ADAM9: variants seen among roughly 807,000 people sequenced by gnomAD.
The protein encoded by ADAM9 is ADAM metallopeptidase domain 9, also known as disintegrin and metalloproteinase domain-containing protein 9.
In ADAM9, 54 loss-of-function variants were observed where a neutral mutation model predicts 108.1. That is an observed-to-expected ratio of 0.50 (90% CI 0.40 to 0.63). The LOEUF is 0.63. Among genes scored for constraint, ADAM9 ranks in the 20% least tolerant of loss-of-function variants. The probability of loss-of-function intolerance (pLI) is 0.00; values close to 1 mark genes in which losing one functional copy is unlikely to be tolerated. For synonymous variants in ADAM9, 316 were observed against 336.0 expected, an observed-to-expected ratio of 0.94 and a Z score of 0.65; for missense variants, 830 against 997.7, an observed-to-expected ratio of 0.83 and a Z score of 2.26.
chr8:39,095,685 G>T (rs571332860), intron 20 of ADAM9, among the ~76,000 whole-genome samples: 7 of 152,232 alleles, frequency 4.6e-5, no homozygotes, highest in Admixed American at 2.0e-4. Flanking sequence ...CTGATTTGTT[G>T]TCTGGATGAC....
chr8:38,999,217 C>A lies in ADAM9; in HGVS notation c.97+2057C>A, dbSNP rs145609761. 5.6e-4 allele frequency among the ~76,000 whole-genome samples: 85 copies of A among 152,082 alleles called. 1 individual carries two copies. The highest frequency in any genetic ancestry group is 2.0e-3 in the African/African-American group (82 of 41,474). On this transcript the variant is annotated intron_variant, in intron 1 of 21. Coordinates refer to ENST00000487273, the MANE Select transcript of ADAM9 (RefSeq NM_003816.3). ...AGAGGAATTTGAGGTACCAGGCACA[C>A]GTCAGTTACATTAGGAGTTAATTAG...
At chr8:39,021,771 A>T in intron 8 of ADAM9, 57 bp downstream of exon 8, 2 of 1,475,220 alleles carry the variant, frequency 1.4e-6, no homozygotes. Context: ...CAGTCCCAGA[A>T]CAGAACTTAA....
At position 39,008,643 on chromosome 8, in the gene ADAM9, A is replaced by G. The variant is rs540122404; in HGVS notation, c.195+660A>G. On this transcript the variant is annotated intron_variant, in intron 2 of 21. Coordinates refer to ENST00000487273, the MANE Select transcript of ADAM9 (RefSeq NM_003816.3). ...AAGAATTATAATTCTTACTATAATT[A>G]TATAACCTCACTCAGTTTGTGATAG... Among the ~76,000 whole-genome samples, 22 of 152,324 alleles carry G rather than the reference A, an allele frequency of 1.4e-4. No homozygotes were observed. The East Asian group carries it at 4.2e-3, about 29-fold the overall frequency.
At chr8:39,068,322 C>T (rs568206549) in intron 14 of ADAM9, among the ~76,000 whole-genome samples, 68 of 152,038 alleles carry the variant, frequency 4.5e-4, no homozygotes, top group African/African-American at 1.6e-3. Flanking sequence ...TTTTTTTCCT[C>T]TTGGGCTTGT....
At chr8:39,056,769 T>G (rs905975353) in intron 14 of ADAM9, among the ~76,000 whole-genome samples, 1 of 152,200 alleles carries the variant, frequency 6.6e-6, no homozygotes, top group Non-Finnish European at 1.5e-5. Flanking sequence ...TTGAGTTGAT[T>G]AGTGGCATCA....
chr8:39,014,756 T>C (rs1037065208), intron 4 of ADAM9: 5 of 501,652 alleles, frequency 1.0e-5, no homozygotes, highest in Admixed American at 3.7e-5. Flanking sequence ...TGTAATACTT[T>C]GCTATGTTGA....
chr8:39,090,828 C>T (rs1007964179), intron 19 of ADAM9, among the ~76,000 whole-genome samples: 2 of 152,202 alleles, frequency 1.3e-5, no homozygotes, highest in African/African-American at 2.4e-5. Flanking sequence ...ATCTCCACTG[C>T]ACTGATTTGC....
At chr8:39,067,970 G>C (rs983703427) in intron 14 of ADAM9, among the ~76,000 whole-genome samples, 1 of 152,140 alleles carries the variant, frequency 6.6e-6, no homozygotes, top group Admixed American at 6.5e-5. Context: ...GTTGAATTTT[G>C]TCAAAGGCCT....
chr8:39,091,916 G>C (rs1839368790), intron 20 of ADAM9, among the ~76,000 whole-genome samples: 1 of 152,144 alleles, frequency 6.6e-6, no homozygotes, highest in Non-Finnish European at 1.5e-5. Flanking sequence ...TGCTATCACT[G>C]CTTTTTTCTG....
chr8:39,045,529 CAT>C (rs1160193114), intron 12 of ADAM9, among the ~76,000 whole-genome samples: 3 of 114,966 alleles, frequency 2.6e-5, no homozygotes, highest in East Asian at 2.5e-4. Flanking sequence ...TATATATGTG[CAT>C]ATGTGTGTAT....
At position 39,009,911 on chromosome 8, in the gene ADAM9, G is replaced by A. The variant is rs60575122; in HGVS notation, c.196-1747G>A. Among the ~76,000 whole-genome samples the A allele has an allele frequency of 5.2e-4, 44 of 84,758 alleles. No homozygotes were observed. The South Asian group carries it at 8.1e-3, about 16-fold the overall frequency. The allele number at this position is 84,758 out of a possible 152,430, so 55.6% of individuals were successfully genotyped here. A position where few individuals can be genotyped will look rare whatever the true frequency, so the allele number is the denominator to read the frequency against. On this transcript the variant is annotated intron_variant, in intron 2 of 21. Coordinates refer to ENST00000487273, the MANE Select transcript of ADAM9 (RefSeq NM_003816.3). ...TTCTAGTGATGGGGGGGGGGGGCAG[G>A]GAGAGAGAGAGAGAGAGAGAGACAA...
At chr8:39,023,927 GC>G (rs2129434111) in intron 9 of ADAM9, among the ~76,000 whole-genome samples, 1 of 151,922 alleles carries the variant, frequency 6.6e-6, no homozygotes, top group African/African-American at 2.4e-5. Flanking sequence ...TTGTAGTGTA[GC>G]AGAGATGGGG....
chr8:39,048,623 C>T lies in ADAM9; in HGVS notation c.1303-5858C>T, dbSNP rs149291858. Among the ~76,000 whole-genome samples, 453 of 152,184 alleles carry T rather than the reference C, an allele frequency of 3.0e-3. 5 individuals carry two copies. The highest frequency in any genetic ancestry group is 9.8e-3 in the East Asian group (51 of 5,182). On this transcript the variant is annotated intron_variant, in intron 12 of 21. Transcript: ENST00000487273. ...TAGTGTTGTTCAAGTCCTGTGTTTC[C>T]GTATTGATCTTCTATCTAGATGTTT...
chr8:39,061,947 T>G (rs1169493598), intron 14 of ADAM9, among the ~76,000 whole-genome samples: 1 of 151,798 alleles, frequency 6.6e-6, no homozygotes, highest in Non-Finnish European at 1.5e-5. Flanking sequence ...CACTTATTTC[T>G]CAGAGTTCTG....
intron 13 of ADAM9, among the ~76,000 whole-genome samples, chr8:39,054,871 A>G (rs1034886959): frequency 5.3e-5 from 8 of 152,290 alleles, no homozygotes; most frequent in African/African-American, 1.9e-4. Flanking sequence ...AAGATCCTCT[A>G]TTATTTTATA....
intron 14 of ADAM9, among the ~76,000 whole-genome samples, chr8:39,056,546 A>G (rs527548401): frequency 6.6e-6 from 1 of 152,144 alleles, no homozygotes; most frequent in Admixed American, 6.6e-5. Flanking sequence ...CATCCTCCCA[A>G]TAGTTAGGGC....
chr8:39,018,878 C>T lies in ADAM9; in HGVS notation c.632C>T (p.Thr211Ile). ...AGAAGAAGAGCTGTCTTGCCACAGA[C>T]CCGGTATGTGGAGCTGTTCATTGTC... ...LRRRRAVLPQ[T>I]RYVELFIVVD... The change falls in exon 7 of 22, where the codon ACC becomes ATC. Residue 211 changes from threonine to isoleucine, a missense_variant. Thr to Ile is a moderately conservative substitution (Grantham distance 89, BLOSUM62 -1). This residue lies in a region of ADAM9 where 381 missense variants were observed against 539.8 expected (regional missense o/e 0.71). Coordinates refer to ENST00000487273, the MANE Select transcript of ADAM9 (RefSeq NM_003816.3). The T allele has an allele frequency of 1.9e-6, 3 of 1,613,926 alleles. No individual in the cohort carries two copies. The highest frequency in any genetic ancestry group is 2.5e-6 in the Non-Finnish European group (3 of 1,179,936).
rs1837738450 is a variant in ADAM9 at position 39,045,568 on chromosome 8, GTGTATATATA to G, written c.1302+3453_1302+3462del. Reference sequence around the variant, plus strand: ...TATGTGTGTGTGTATATGTGTGTGTGTGTATATATATATATATATAAAAGATTTTTCTCAT... The same window carrying G: ...TATGTGTGTGTGTATATGTGTGTGTGTATATATATAAAAGATTTTTCTCAT... On this transcript the variant is annotated intron_variant, in intron 12 of 21. Coordinates refer to ENST00000487273, the MANE Select transcript of ADAM9 (RefSeq NM_003816.3). 2.9e-5 allele frequency among the ~76,000 whole-genome samples: 4 copies of G among 139,230 alleles called. No homozygotes were observed. In the South Asian group the frequency reaches 9.3e-4, roughly 32 times the overall value. 91.3% of individuals were successfully genotyped at this position (139,230 alleles called of 152,430 possible).
At chr8:39,096,817 T>C (rs893485590) in intron 20 of ADAM9, among the ~76,000 whole-genome samples, 6 of 152,202 alleles carry the variant, frequency 3.9e-5, no homozygotes, top group Non-Finnish European at 1.5e-5. Flanking sequence ...AGTTTTCAGC[T>C]CCAGAATTGC....
Sources: gnomAD v4.1 joint callset for allele counts (sites outside exome capture counted in the v4.1 genomes callset) on GRCh38, gnomAD v4.1.1 for gene constraint, gnomAD v4.1.1 regional missense constraint, MANE v1.5 for transcripts, NCBI Gene and HGNC (gene_info 2026-07-23, HGNC 2026-07-21) for gene names.